The following GABRB2 variants were observed in gnomAD, a reference collection of about 807,000 sequenced individuals.
The protein encoded by GABRB2 is gamma-aminobutyric acid type A receptor subunit beta2, also known as gamma-aminobutyric acid receptor subunit beta-2.
Under a neutral mutation model 54.7 loss-of-function variants are expected in GABRB2, and 16 were observed. The ratio of observed to expected loss-of-function variants is 0.29; its 90% CI spans 0.20 to 0.44. GABRB2 has a LOEUF of 0.44. GABRB2 is among the 20% of genes least tolerant of loss of function. GABRB2 has a pLI of 1.00. For missense variants in GABRB2, 355 were observed against 644.0 expected, an observed-to-expected ratio of 0.55 and a Z score of 4.86; for synonymous variants, 244 against 233.8, an observed-to-expected ratio of 1.04 and a Z score of -0.40.
intron 5 of GABRB2, among the ~76,000 whole-genome samples, chr5:161,354,364 G>C (rs963991402): frequency 3.3e-5 from 5 of 151,932 alleles, no homozygotes; most frequent in African/African-American, 1.2e-4. Flanking sequence ...TCTTAGATAT[G>C]GGGTATCCTG....
chr5:161,477,939 T>G (rs1314882322), intron 3 of GABRB2, among the ~76,000 whole-genome samples: 1 of 151,996 alleles, frequency 6.6e-6, no homozygotes, highest in Non-Finnish European at 1.5e-5. Flanking sequence ...TTTTAAAAAG[T>G]ATATTAGGGA....
intron 4 of GABRB2, among the ~76,000 whole-genome samples, chr5:161,423,630 A>ATC (rs1001108366): frequency 6.6e-6 from 1 of 151,762 alleles, no homozygotes; most frequent in East Asian, 1.9e-4. Flanking sequence ...AGCCATACCT[A>ATC]TCTCTCTCTC....
chr5:161,463,017 C>A (rs927793549), intron 3 of GABRB2, among the ~76,000 whole-genome samples: 1 of 152,072 alleles, frequency 6.6e-6, no homozygotes, highest in African/African-American at 2.4e-5. Context: ...AAATAAACCA[C>A]TTCTGGGTGC....
chr5:161,363,755 G>T lies in GABRB2; in HGVS notation c.542-26986C>A, dbSNP rs1469157134. Among the ~76,000 whole-genome samples the T allele has an allele frequency of 2.0e-5, 3 of 152,236 alleles. No homozygotes were observed. In the South Asian group the frequency reaches 6.2e-4, roughly 32 times the overall value. On this transcript the variant is annotated intron_variant, in intron 5 of 9. Coordinates refer to ENST00000393959, the MANE Select transcript of GABRB2 (RefSeq NM_001371727.1). ...GAAAGCAATCATTCTTTCTTTAGCT[G>T]CAGAAACACAAACTATATTTACAAA... is the stretch of plus-strand genomic sequence containing the variant.
chr5:161,464,912 G>A (rs1758232720), intron 3 of GABRB2, among the ~76,000 whole-genome samples: 1 of 152,046 alleles, frequency 6.6e-6, no homozygotes, highest in Non-Finnish European at 1.5e-5. Flanking sequence ...TGACCTCAAA[G>A]GGCAAGCATG....
At chr5:161,432,652 T>C (rs1002566142) in intron 4 of GABRB2, among the ~76,000 whole-genome samples, 1 of 152,168 alleles carries the variant, frequency 6.6e-6, no homozygotes, top group African/African-American at 2.4e-5. Flanking sequence ...TTGAAACATA[T>C]GTCTGGAAAA....
intron 5 of GABRB2, among the ~76,000 whole-genome samples, chr5:161,373,434 C>CT (rs1755189045): frequency 6.6e-6 from 1 of 152,166 alleles, no homozygotes; most frequent in Admixed American, 6.5e-5. Flanking sequence ...GAACCATGCT[C>CT]TTTTGGGGCT....
rs958226803 is a variant in GABRB2 at position 161,447,740 on chromosome 5, T to C, written c.458+11884A>G. Among the ~76,000 whole-genome samples the C allele has an allele frequency of 3.3e-5, 5 of 152,336 alleles. No homozygotes were observed. The South Asian group carries it at 8.3e-4, about 25-fold the overall frequency. ...CCTGAACATTCATTAGCAAAGCAAGTGATTAAAACTTTTACCAAAAGTCTT... is the reference window on the plus strand; with the variant it reads ...CCTGAACATTCATTAGCAAAGCAAGCGATTAAAACTTTTACCAAAAGTCTT... On this transcript the variant is annotated intron_variant, in intron 4 of 9. Transcript: ENST00000393959.
chr5:161,353,564 C>T (rs1305179296), intron 5 of GABRB2, among the ~76,000 whole-genome samples: 1 of 152,002 alleles, frequency 6.6e-6, no homozygotes, highest in Non-Finnish European at 1.5e-5. Context: ...GGTGTGCAAG[C>T]TGTTACTGGC....
intron 3 of GABRB2, among the ~76,000 whole-genome samples, chr5:161,542,351 T>A (rs1327934577): frequency 1.3e-5 from 2 of 152,166 alleles, no homozygotes; most frequent in Non-Finnish European, 2.9e-5. Context: ...CCACAAACCT[T>A]CAATTTATAA....
chr5:161,300,089 T>G (rs1757493044), intron 9 of GABRB2, among the ~76,000 whole-genome samples: 1 of 152,094 alleles, frequency 6.6e-6, no homozygotes, highest in South Asian at 2.1e-4. Flanking sequence ...TCACAAGGTG[T>G]GAGATGTGTT....
At chr5:161,509,368 A>G (rs1184584763) in intron 3 of GABRB2, among the ~76,000 whole-genome samples, 1 of 132,640 alleles carries the variant, frequency 7.5e-6, no homozygotes, top group Non-Finnish European at 1.7e-5. Flanking sequence ...TGGATGTCAC[A>G]TTCAATTTTA....
At chr5:161,459,868 A>T (rs1479204747) in intron 3 of GABRB2, 24 bp from the exon 4 acceptor site, 1 of 1,443,218 alleles carries the variant, frequency 6.9e-7, no homozygotes. Context: ...AAAAAAAAAC[A>T]TGGTTAGTTT....
At chr5:161,502,532 C>T (rs1313682604) in intron 3 of GABRB2, among the ~76,000 whole-genome samples, 1 of 152,016 alleles carries the variant, frequency 6.6e-6, no homozygotes, top group Non-Finnish European at 1.5e-5. Context: ...CTCTCTACTG[C>T]CTACTTTAAA....
rs1233635077 is a variant in GABRB2, at chr5:161,343,378, T to G, written c.542-6609A>C. Among the ~76,000 whole-genome samples the G allele has an allele frequency of 2.6e-5, 4 of 152,170 alleles. No homozygotes were observed. In the East Asian group the frequency reaches 7.8e-4, roughly 30 times the overall value. ...TCATCAGAGATGACCTATTTTTTTTTGTGCATGTTCAGTTTTTTGAATTCA... is the reference window on the plus strand; with the variant it reads ...TCATCAGAGATGACCTATTTTTTTTGGTGCATGTTCAGTTTTTTGAATTCA... On this transcript the variant is annotated intron_variant, in intron 5 of 9. Coordinates refer to ENST00000393959, the MANE Select transcript of GABRB2 (RefSeq NM_001371727.1).
intron 3 of GABRB2, among the ~76,000 whole-genome samples, chr5:161,461,815 G>A (rs545873462): frequency 6.6e-5 from 10 of 152,234 alleles, no homozygotes; most frequent in South Asian, 4.1e-4. Flanking sequence ...AATAACAAAT[G>A]AATGAAATAA....
intron 5 of GABRB2, among the ~76,000 whole-genome samples, chr5:161,382,703 T>G (rs1755505139): frequency 6.6e-6 from 1 of 152,148 alleles, no homozygotes; most frequent in South Asian, 2.1e-4. Context: ...TTCTGGCTTA[T>G]GTGACTTGTT....
chr5:161,506,647 A>G (rs1280101221), intron 3 of GABRB2, among the ~76,000 whole-genome samples: 2 of 152,142 alleles, frequency 1.3e-5, no homozygotes, highest in African/African-American at 4.8e-5. Flanking sequence ...ATGACATGAA[A>G]TTATAAAATA....
chr5:161,304,270 T>A (rs1757618533), intron 9 of GABRB2, among the ~76,000 whole-genome samples: 2 of 152,254 alleles, frequency 1.3e-5, no homozygotes, highest in African/African-American at 2.4e-5. Flanking sequence ...GCCCACAGGC[T>A]GCTGCATCAA....
Sources: allele counts gnomAD v4.1 joint callset (sites outside exome capture counted in the v4.1 genomes callset), GRCh38; gene constraint gnomAD v4.1.1; transcripts MANE v1.5; gene names NCBI Gene and HGNC (gene_info 2026-07-23, HGNC 2026-07-21).